VWCE: variants seen among roughly 807,000 people sequenced by gnomAD.
The protein encoded by VWCE is von Willebrand factor C and EGF domains.
Under a neutral mutation model 102.9 loss-of-function variants are expected in VWCE, and 68 were observed. The observed-to-expected ratio is 0.66, with a 90% CI of 0.54 to 0.81. VWCE has a LOEUF of 0.81. Among genes scored for constraint, VWCE ranks in the 30% least tolerant of loss-of-function variants. The probability of loss-of-function intolerance (pLI) is 0.00; values close to 1 mark genes in which losing one functional copy is unlikely to be tolerated. For missense variants in VWCE, 1,137 were observed against 1,263.6 expected (o/e 0.90, Z 1.52); for synonymous variants, 497 against 515.4 (o/e 0.96, Z 0.48).
At chr11:61,279,403 C>A (rs1400122995) in intron 9 of VWCE, among the ~76,000 whole-genome samples, 1 of 151,740 alleles carries the variant, frequency 6.6e-6, no homozygotes, top group South Asian at 2.1e-4. Flanking sequence ...AACACTGTTG[C>A]CAATAAAAAA....
chr11:61,293,049 C>A (rs1179128966), intron 1 of VWCE, among the ~76,000 whole-genome samples: 1 of 151,950 alleles, frequency 6.6e-6, no homozygotes, highest in Non-Finnish European at 1.5e-5. Flanking sequence ...TGAGACCAGC[C>A]TGACCAACAT....
rs185856098 is a variant in VWCE at position 61,264,749 on chromosome 11, C to A, written c.2140-172G>T. Among the ~76,000 whole-genome samples, 443 of 152,330 alleles carry A rather than the reference C, an allele frequency of 2.9e-3. 1 individual carries two copies. Among genetic ancestry groups the A allele is most frequent in the African/African-American group, 1.0e-2 (415 of 41,582 alleles). On this transcript the variant is annotated intron_variant, in intron 18 of 19. Transcript: ENST00000335613. The stretch of plus-strand genomic sequence containing the variant: ...ACAGGTAAAGCCAGCTATGGCAGGA[C>A]CCCCTTTGGGAAACCACTTCTCCCT...
chr11:61,282,704 TA>T, intron 6 of VWCE, 84 bp downstream of exon 6: 1 of 1,125,118 alleles, frequency 8.9e-7, no homozygotes, highest in Non-Finnish European at 1.3e-6. Flanking sequence ...GTCTAATTGT[TA>T]ACCTTCCCGG....
chr11:61,266,700 G>A (rs1240245009), intron 16 of VWCE, among the ~76,000 whole-genome samples: 2 of 152,106 alleles, frequency 1.3e-5, no homozygotes, highest in African/African-American at 4.8e-5. Context: ...TGATTAACTA[G>A]TTACGGGATC....
chr11:61,264,225 C>CAAA (rs547085588), intron 19 of VWCE, among the ~76,000 whole-genome samples: 2 of 19,980 alleles, frequency 1.0e-4, no homozygotes, highest in Non-Finnish European at 1.5e-4. Context: ...GACTCAGTCT[C>CAAA]AAAAAAAAAA....
chr11:61,281,188 G>T lies in VWCE; in HGVS notation c.835C>A (p.Gln279Lys), dbSNP rs1319405957. Residue 279 changes from glutamine (Q) to lysine (K), a missense_variant, in exon 8 of 20, where the codon CAA (glutamine) becomes AAA (lysine). Around this residue, in one of 5 missense-constraint regions of VWCE, gnomAD observed 575 missense variants for 625.9 expected, o/e 0.92. Transcript: ENST00000335613. ...AACAGAAGCATCTTGGACGGGTGTT[G>T]CCGGGGTTGCAGGATGGCAGATGGG... ...LAPSAILQPR[Q>K]HPSKMLLLLP... 3 of 1,613,262 alleles carry T rather than the reference G, an allele frequency of 1.9e-6. No homozygotes were observed. The highest frequency in any genetic ancestry group is 2.5e-6 in the Non-Finnish European group (3 of 1,180,022).
Position 61,271,747 on chromosome 11 carries a change from G to A in VWCE, c.1713C>T (p.Asp571=), listed in dbSNP as rs778067290. 22 of 1,613,224 alleles carry A rather than the reference G, an allele frequency of 1.4e-5. No homozygotes were observed. In the East Asian group the frequency reaches 2.5e-4, roughly 18 times the overall value. Residue 571 remains aspartate (D), a synonymous_variant, in exon 14 of 20, where the codon GAC becomes GAT. Coordinates refer to ENST00000335613, the MANE Select transcript of VWCE (RefSeq NM_152718.2). The stretch of plus-strand genomic sequence containing the variant: ...CAATCGGAAACTCAACCCCGTTGTC[G>A]TCAAGAGAGCAGCCTGGATGAGGAC... ...EPTPSTGCSL[D]DNGVEFPIGQ...
chr11:61,295,011 G>T lies in VWCE; in HGVS notation c.27C>A (p.Ala9=). 1.4e-6 allele frequency: 2 copies of T among 1,469,700 alleles called. No homozygotes were observed. The highest frequency in any genetic ancestry group is 1.8e-6 in the Non-Finnish European group (2 of 1,111,408). 91.0% of individuals were successfully genotyped at this position (1,469,700 alleles called of 1,614,324 possible). Residue 9 remains alanine (A), a synonymous_variant, in exon 1 of 20, where the codon GCC becomes GCA. Transcript: ENST00000335613. The surrounding 1 kb of genome is among the most constrained non-coding windows in gnomAD (Gnocchi z 4.6). MWAGLLLR[A]ACVALLLPGA... Reference sequence around the variant, plus strand: ...CCGGCAGCAGGAGCGCGACACAGGCGGCCCGAAGGAGCAGTCCGGCCCACA... The same window carrying T: ...CCGGCAGCAGGAGCGCGACACAGGCTGCCCGAAGGAGCAGTCCGGCCCACA...
intron 1 of VWCE, among the ~76,000 whole-genome samples, chr11:61,293,622 A>G (rs992634453): frequency 1.3e-5 from 2 of 151,926 alleles, no homozygotes; most frequent in Admixed American, 1.3e-4. Flanking sequence ...GGGACAAGAA[A>G]CCCCTTCCCA....
chr11:61,281,722 C>T, intron 7 of VWCE, 64 bp downstream of exon 7: 1 of 1,493,828 alleles, frequency 6.7e-7, no homozygotes, highest in East Asian at 2.5e-5. Context: ...TATGGGGGGG[C>T]GTAGCTGGGG....
chr11:61,266,059 A>T (rs1854505905), intron 16 of VWCE, among the ~76,000 whole-genome samples: 1 of 151,842 alleles, frequency 6.6e-6, no homozygotes, highest in Non-Finnish European at 1.5e-5. Flanking sequence ...AAAAAAAAAT[A>T]AAATAAAATA....
rs999933272 is a variant in VWCE, at chr11:61,294,514, C to T, written c.110+414G>A. ...CCAAGGTCCATGAAGTTCGTAGGGC[C>T]AAGACCCAGGGAAAGCCCCGCGCGG... is the stretch of plus-strand genomic sequence containing the variant. On this transcript the variant is annotated intron_variant, in intron 1 of 19. Coordinates refer to ENST00000335613, the MANE Select transcript of VWCE (RefSeq NM_152718.2). This position sits in a 1 kb window ranked among gnomAD's most constrained non-coding sequence, Gnocchi z 6.3. 2.0e-5 allele frequency among the ~76,000 whole-genome samples: 3 copies of T among 152,180 alleles called. No individual in the cohort carries two copies. Among genetic ancestry groups the T allele is most frequent in the African/African-American group, 2.4e-5 (1 of 41,456 alleles).
intron 19 of VWCE, among the ~76,000 whole-genome samples, chr11:61,260,725 T>C (rs1213964123): frequency 6.6e-6 from 1 of 152,166 alleles, no homozygotes; most frequent in Non-Finnish European, 1.5e-5. Flanking sequence ...TATTTTTTAA[T>C]AAAGTGCTGA....
chr11:61,274,366 C>T (rs1192513437), intron 12 of VWCE, 133 bp downstream of exon 12: 2 of 768,654 alleles, frequency 2.6e-6, no homozygotes, highest in Non-Finnish European at 2.1e-6. Context: ...CCCTGTAGTG[C>T]CTTTGCTTCC....
At chr11:61,260,390 C>T (rs1484272229) in intron 19 of VWCE, among the ~76,000 whole-genome samples, 3 of 152,182 alleles carry the variant, frequency 2.0e-5, no homozygotes, top group Non-Finnish European at 4.4e-5. Flanking sequence ...CCTCCCATCT[C>T]GGCTGTCCTA....
intron 3 of VWCE, 50 bp from the exon 4 acceptor site, chr11:61,290,977 C>T (rs760528794): frequency 2.5e-6 from 4 of 1,582,578 alleles, no homozygotes; most frequent in Non-Finnish European, 3.4e-6. Context: ...CAGTCCCAAC[C>T]ATCCCCACTT....
At position 61,290,789 on chromosome 11, in the gene VWCE, G is replaced by T; in HGVS notation, c.424+10C>A. On this transcript the variant is annotated intron_variant, in intron 4 of 19. Coordinates refer to ENST00000335613, the MANE Select transcript of VWCE (RefSeq NM_152718.2). ...CCCTCCCCCTCCCCCACCACTCCCA[G>T]GCGTCTCACCTGTACACCTGATGCC... The T allele has an allele frequency of 6.5e-7, 1 of 1,545,504 alleles. No individual in the cohort carries two copies. Among genetic ancestry groups the T allele is most frequent in the East Asian group, 2.4e-5 (1 of 41,806 alleles).
At chr11:61,270,825 CTTTTTT>C (rs1243630767) in intron 14 of VWCE, among the ~76,000 whole-genome samples, 4 of 134,252 alleles carry the variant, frequency 3.0e-5, no homozygotes, top group Non-Finnish European at 4.8e-5. Flanking sequence ...GTTACACACA[CTTTTTT>C]TTTTTTTTTT....
intron 1 of VWCE, among the ~76,000 whole-genome samples, chr11:61,291,963 T>C (rs191223663): frequency 2.0e-5 from 3 of 152,228 alleles, no homozygotes; most frequent in African/African-American, 4.8e-5. Flanking sequence ...GGCTCACGCC[T>C]GTAATCCCAG....
Sources: gnomAD v4.1 joint callset for allele counts (sites outside exome capture counted in the v4.1 genomes callset) on GRCh38, gnomAD v4.1.1 for gene constraint, gnomAD v4.1.1 regional missense constraint, Gnocchi (gnomAD v3.1) non-coding constraint, MANE v1.5 for transcripts, NCBI Gene and HGNC (gene_info 2026-07-23, HGNC 2026-07-21) for gene names.